Variants in SERPINB10 observed in about 807,000 individuals in gnomAD.
The protein encoded by SERPINB10 is serpin family B member 10.
SERPINB10 carries 35 observed loss-of-function variants against 39.1 expected under a neutral mutation model. The observed-to-expected ratio is 0.90, with a 90% confidence interval of 0.68 to 1.19. The LOEUF (loss-of-function observed/expected upper bound fraction) is 1.19, where lower values mean the gene tolerates loss of function less well. SERPINB10 is among the 50% of genes most tolerant of loss of function. SERPINB10 has a pLI of 0.00. For missense variants in SERPINB10, 546 were observed against 460.5 expected, an observed-to-expected ratio of 1.19 and a Z score of -1.70; for synonymous variants, 190 against 158.1, an observed-to-expected ratio of 1.20 and a Z score of -1.52.
At chr18:63,930,294 T>C in intron 6 of SERPINB10, 107 bp downstream of exon 6, 1 of 1,257,134 alleles carries the variant, frequency 8.0e-7, no homozygotes, top group Non-Finnish European at 1.1e-6. Flanking sequence ...GAACTATGGC[T>C]CTTACCAGGG....
Position 63,933,208 on chromosome 18 carries a change from A to G in SERPINB10, c.789+5A>G. On this transcript the variant is annotated splice_donor_5th_base_variant and intron_variant, in intron 7 of 7. Coordinates refer to ENST00000238508, the MANE Select transcript of SERPINB10 (RefSeq NM_005024.3). ...GACATTAATGGGCTGGAACAGGTAA[A>G]TAACATCAGTGTGTCTGATGTGAGG... 5 of 1,613,910 alleles carry G rather than the reference A, an allele frequency of 3.1e-6. No individual in the cohort carries two copies. Among genetic ancestry groups the G allele is most frequent in the Non-Finnish European group, 4.2e-6 (5 of 1,179,878 alleles).
At chr18:63,927,072 C>T (rs1418270894) in intron 5 of SERPINB10, among the ~76,000 whole-genome samples, 1 of 151,852 alleles carries the variant, frequency 6.6e-6, no homozygotes, top group Non-Finnish European at 1.5e-5. Context: ...AATTTTGTCT[C>T]TTCCTTTTAT....
chr18:63,915,218 G>C (rs17072096), intron 1 of SERPINB10, among the ~76,000 whole-genome samples: 3,523 of 152,178 alleles, frequency 0.023, 163 homozygotes, highest in East Asian at 0.2. Context: ...AATGTCAAGA[G>C]AGTGGCAAAA....
chr18:63,935,281 T>A lies in SERPINB10; in HGVS notation c.*39T>A, dbSNP rs760938241. On this transcript the variant is annotated 3_prime_UTR_variant, in exon 8 of 8. Transcript: ENST00000238508. ...CTCAACAAACAAGACCATCTTACAG[T>A]GTGAAAAATGTACCATGAGATGGAA... 2 of 1,500,522 alleles carry A rather than the reference T, an allele frequency of 1.3e-6. No homozygotes were observed. The highest frequency in any genetic ancestry group is 1.8e-6 in the Non-Finnish European group (2 of 1,130,858). The allele number at this position is 1,500,522 out of a possible 1,614,324, so 93.0% of individuals were successfully genotyped here.
At chr18:63,915,135 G>T (rs1203396156) in intron 1 of SERPINB10, among the ~76,000 whole-genome samples, 1 of 152,046 alleles carries the variant, frequency 6.6e-6, no homozygotes, top group Admixed American at 6.6e-5. Flanking sequence ...AGAATATTTT[G>T]CTCTCAATAA....
At chr18:63,931,251 C>G (rs888450632) in intron 6 of SERPINB10, among the ~76,000 whole-genome samples, 1 of 152,182 alleles carries the variant, frequency 6.6e-6, no homozygotes, top group African/African-American at 2.4e-5. Context: ...GTCTCTTTCT[C>G]TTTTTCTCTC....
In SERPINB10 at chr18:63,930,190, A is replaced by C; in HGVS notation, c.633+3A>C. On this transcript the variant is annotated splice_donor_region_variant and intron_variant, in intron 6 of 7. Coordinates refer to ENST00000238508, the MANE Select transcript of SERPINB10 (RefSeq NM_005024.3). ...AAAAGCCTTTTAGAATAAACGAGGT[A>C]GGAAATTTTTAAAGATCAGTTTGGA... 6.2e-7 allele frequency: 1 copy of C among 1,611,836 alleles called. No homozygotes were observed. Among genetic ancestry groups the C allele is most frequent in the Non-Finnish European group, 8.5e-7 (1 of 1,179,080 alleles).
chr18:63,934,193 T>C (rs1410295410), intron 7 of SERPINB10, among the ~76,000 whole-genome samples: 1 of 152,192 alleles, frequency 6.6e-6, no homozygotes, highest in Non-Finnish European at 1.5e-5. Flanking sequence ...CATACACATA[T>C]ATACATGTGT....
In SERPINB10 at chr18:63,935,134, A is replaced by C; in HGVS notation, c.1086A>C (p.Arg362=). 1 of 1,613,708 alleles carries C rather than the reference A, an allele frequency of 6.2e-7. No homozygotes were observed. The highest frequency in any genetic ancestry group is 8.5e-7 in the Non-Finnish European group (1 of 1,180,020). Reference sequence around the variant, plus strand: ...GCAGTGGGAGTGAGATAGATATACGAATTAGAGTCCCATCCATTGAATTCA... The same window carrying C: ...GCAGTGGGAGTGAGATAGATATACGCATTAGAGTCCCATCCATTGAATTCA... ...AAGSGSEIDI[R]IRVPSIEFNA... The change falls in exon 8 of 8, where the codon CGA becomes CGC. Residue 362 remains arginine, a synonymous_variant. Transcript: ENST00000238508.
At chr18:63,922,579 T>A (rs1225595863) in intron 5 of SERPINB10, among the ~76,000 whole-genome samples, 2 of 151,910 alleles carry the variant, frequency 1.3e-5, no homozygotes, top group Admixed American at 1.3e-4. Flanking sequence ...CTGCTAGCTT[T>A]GCATCCTAGC....
chr18:63,919,902 G>A lies in SERPINB10; in HGVS notation c.487G>A (p.Glu163Lys), dbSNP rs61733367. The A allele has an allele frequency of 2.6e-4, 420 of 1,593,092 alleles. 2 individuals carry two copies. In the African/African-American group the frequency reaches 5.0e-3, roughly 19 times the overall value. Residue 163 changes from glutamate to lysine, a missense_variant, in exon 5 of 8, where the codon GAG (glutamate) becomes AAG (lysine). Glu to Lys is a moderately conservative substitution (Grantham distance 56). Coordinates refer to ENST00000238508, the MANE Select transcript of SERPINB10 (RefSeq NM_005024.3). ...CAACTCTTGGGTTGAAAGACAGACC[G>A]AGGGTAAGCTTTCACCAAGGGGTTT... ...DINSWVERQT[E>K]GKIQNLLPDD... is the part of the protein sequence containing the mutation.
chr18:63,910,498 A>G (rs28505577), intron 1 of SERPINB10, among the ~76,000 whole-genome samples: 41,035 of 151,700 alleles, frequency 0.27, 6,408 homozygotes, highest in African/African-American at 0.43. Context: ...TATTTTTGCC[A>G]TCTTTAAGTC....
rs2050187088 is a variant in SERPINB10 at position 63,927,100 on chromosome 18, T to A, written c.491-2945T>A. Among the ~76,000 whole-genome samples, 7 of 151,864 alleles carry A rather than the reference T, an allele frequency of 4.6e-5. No homozygotes were observed. In the South Asian group the frequency reaches 1.2e-3, roughly 27 times the overall value. The stretch of plus-strand genomic sequence containing the variant: ...CCTTTTATATAATATCTCATCTAAT[T>A]TTTTTTGCTTTACTTAGTATTTTGA... On this transcript the variant is annotated intron_variant, in intron 5 of 7. Transcript: ENST00000238508.
chr18:63,917,515 GA>G lies in SERPINB10; in HGVS notation c.232del (p.Met78TrpfsTer5). The G allele has an allele frequency of 6.4e-7, 1 of 1,555,192 alleles. No homozygotes were observed. The highest frequency in any genetic ancestry group is 1.8e-5 in the Admixed American group (1 of 54,708). ...GTGACCCTGAAAGTGAAAAAAAAAGGAAAATGGTATATCTTATCCTTTAATA... is the reference window on the plus strand; with the variant it reads ...GTGACCCTGAAAGTGAAAAAAAAAGGAAATGGTATATCTTATCCTTTAATA... ...KCDPESEKKR[K>X]MEFNLSNSEE... On this transcript the variant is annotated frameshift_variant, in exon 3 of 8. Transcript: ENST00000238508. LOFTEE classifies it high-confidence loss of function.
At chr18:63,910,057 A>G (rs9966367) in intron 1 of SERPINB10, among the ~76,000 whole-genome samples, 56,577 of 151,830 alleles carry the variant, frequency 0.37, 14,077 homozygotes, top group African/African-American at 0.7. Context: ...GTGTAAGTTT[A>G]TGGCTAGGGG....
intron 1 of SERPINB10, 63 bp from the exon 2 acceptor site, chr18:63,915,439 T>G: frequency 8.0e-7 from 1 of 1,251,450 alleles, no homozygotes; most frequent in South Asian, 1.4e-5. Context: ...ATACATATTT[T>G]TTCAAAGGTG....
At position 63,917,493 on chromosome 18, in the gene SERPINB10, A is replaced by G. The variant is rs754000208; in HGVS notation, c.206A>G (p.Asp69Gly). The change falls in exon 3 of 8, where the codon GAC (aspartate) becomes GGC (glycine). Residue 69 changes from aspartate to glycine, a missense_variant. Coordinates refer to ENST00000238508, the MANE Select transcript of SERPINB10 (RefSeq NM_005024.3). The stretch of plus-strand genomic sequence containing the variant: ...AACAGAGACCAGGGAGTCAAATGTG[A>G]CCCTGAAAGTGAAAAAAAAAGGAAA... The part of the protein sequence containing the change: ...QFNRDQGVKC[D>G]PESEKKRKME... The G allele has an allele frequency of 1.9e-6, 3 of 1,580,368 alleles. No homozygotes were observed. In the African/African-American group the frequency reaches 4.1e-5, roughly 22 times the overall value.
chr18:63,933,244 T>G (rs374316018), intron 7 of SERPINB10, 41 bp downstream of exon 7: 24 of 1,608,226 alleles, frequency 1.5e-5, no homozygotes, highest in Non-Finnish European at 2.0e-5. Context: ...GTGTTTCCAG[T>G]GTTTACTAAG....
rs1197812667 is a variant in SERPINB10 at position 63,935,018 on chromosome 18, G to C, written c.970G>C (p.Gly324Arg). 6.2e-7 allele frequency: 1 copy of C among 1,614,086 alleles called. No individual in the cohort carries two copies. Among genetic ancestry groups the C allele is most frequent in the East Asian group, 2.2e-5 (1 of 44,900 alleles). Reference protein sequence around the residue: ...AFSQSKADFSGMSSARNLFLS... With the variant: ...AFSQSKADFSRMSSARNLFLS... Reference sequence around the variant, plus strand: ...CAGCCAAAGCAAAGCTGATTTCTCAGGAATGTCTTCAGCAAGAAACCTATT... The same window carrying C: ...CAGCCAAAGCAAAGCTGATTTCTCACGAATGTCTTCAGCAAGAAACCTATT... Residue 324 changes from glycine to arginine, a missense_variant, in exon 8 of 8, where the codon GGA becomes CGA. By Grantham distance (125) the Gly-to-Arg change is moderately radical. Coordinates refer to ENST00000238508, the MANE Select transcript of SERPINB10 (RefSeq NM_005024.3).
Sources: gnomAD v4.1 joint callset for allele counts (sites outside exome capture counted in the v4.1 genomes callset) on GRCh38, gnomAD v4.1.1 for gene constraint, MANE v1.5 for transcripts, NCBI Gene and HGNC (gene_info 2026-07-23, HGNC 2026-07-21) for gene names.